Variants in SNTG2 observed in about 807,000 individuals in gnomAD.
SNTG2 encodes the protein syntrophin gamma 2.
A neutral mutation model predicts 70.9 loss-of-function variants in SNTG2; 74 were observed. The ratio of observed to expected loss-of-function variants is 1.04; its 90% CI spans 0.86 to 1.27. The LOEUF is 1.27. Among genes scored for constraint, SNTG2 ranks in the 50% most tolerant of loss-of-function variants. The probability of loss-of-function intolerance (pLI) is 0.00; values close to 1 mark genes in which losing one functional copy is unlikely to be tolerated. For synonymous variants in SNTG2, 278 were observed against 273.8 expected (o/e 1.02, Z -0.15); for missense variants, 717 against 690.7 (o/e 1.04, Z -0.43).
intron 13 of SNTG2, among the ~76,000 whole-genome samples, chr2:1,262,398 T>G (rs1287695807): frequency 6.6e-6 from 1 of 152,142 alleles, no homozygotes; most frequent in African/African-American, 2.4e-5. Flanking sequence ...GTGATCACAT[T>G]TTGAAGGGAC....
chr2:1,028,279 G>A (rs576021420), intron 1 of SNTG2, among the ~76,000 whole-genome samples: 3 of 149,854 alleles, frequency 2.0e-5, no homozygotes, highest in Non-Finnish European at 2.9e-5. Flanking sequence ...AGTAACTCAT[G>A]CATCTCTGTT....
chr2:1,104,980 C>A (rs1386487536), intron 4 of SNTG2, among the ~76,000 whole-genome samples: 2 of 152,206 alleles, frequency 1.3e-5, no homozygotes, highest in African/African-American at 4.8e-5. Flanking sequence ...GTGGTTCCAT[C>A]TCCGGGAAGG....
At chr2:1,302,421 A>T (rs1340584445) in intron 14 of SNTG2, among the ~76,000 whole-genome samples, 1 of 152,064 alleles carries the variant, frequency 6.6e-6, no homozygotes, top group Non-Finnish European at 1.5e-5. Context: ...AACTAAACTC[A>T]TGGAGGAAGG....
At chr2:1,227,823 G>T (rs1675894527) in intron 9 of SNTG2, among the ~76,000 whole-genome samples, 1 of 152,164 alleles carries the variant, frequency 6.6e-6, no homozygotes, top group Admixed American at 6.5e-5. Flanking sequence ...GCTCATACTG[G>T]TGCCGCTATT....
At chr2:1,263,882 G>T (rs1312929547) in intron 13 of SNTG2, among the ~76,000 whole-genome samples, 3 of 152,160 alleles carry the variant, frequency 2.0e-5, no homozygotes, top group Non-Finnish European at 4.4e-5. Flanking sequence ...GCAAAGAAAG[G>T]CCTCAAATTT....
At chr2:1,039,183 T>G (rs1661292380) in intron 1 of SNTG2, among the ~76,000 whole-genome samples, 1 of 152,258 alleles carries the variant, frequency 6.6e-6, no homozygotes, top group Admixed American at 6.5e-5. Flanking sequence ...CAACAGTAGT[T>G]GTCTGAGTGA....
chr2:962,233 C>T (rs745940337), intron 1 of SNTG2, among the ~76,000 whole-genome samples: 14 of 152,138 alleles, frequency 9.2e-5, no homozygotes, highest in East Asian at 3.9e-4. Context: ...GCCACTATCC[C>T]GGCTAACTTT....
At chr2:1,096,971 T>C (rs2148207992) in intron 2 of SNTG2, among the ~76,000 whole-genome samples, 1 of 152,310 alleles carries the variant, frequency 6.6e-6, no homozygotes, top group African/African-American at 2.4e-5. Context: ...AAACGATCAC[T>C]CTGTAGCAAA....
intron 8 of SNTG2, among the ~76,000 whole-genome samples, chr2:1,195,884 T>A (rs1305745989): frequency 1.3e-5 from 2 of 151,246 alleles, no homozygotes; most frequent in East Asian, 3.9e-4. Context: ...GTGATTATCT[T>A]TATTGATCAG....
At chr2:1,168,433 G>A (rs1670899526) in intron 7 of SNTG2, among the ~76,000 whole-genome samples, 1 of 152,198 alleles carries the variant, frequency 6.6e-6, no homozygotes, top group Admixed American at 6.5e-5. Flanking sequence ...CCCAAAGCCG[G>A]CCCATCTCTA....
chr2:1,095,081 GAAAAAAGAGAAA>G (rs1665301305), intron 2 of SNTG2, among the ~76,000 whole-genome samples: 1 of 151,860 alleles, frequency 6.6e-6, no homozygotes. Context: ...GAGCAAGAGA[GAAAAAAGAGAAA>G]AAAAAAGAGA....
At chr2:1,180,448 C>T (rs1450935361) in intron 8 of SNTG2, among the ~76,000 whole-genome samples, 3 of 131,382 alleles carry the variant, frequency 2.3e-5, no homozygotes, top group African/African-American at 8.2e-5. Flanking sequence ...ATTTATGCAG[C>T]CAAAAAACAC....
chr2:960,893 C>T (rs960562765), intron 1 of SNTG2, among the ~76,000 whole-genome samples: 3 of 152,196 alleles, frequency 2.0e-5, no homozygotes, highest in Non-Finnish European at 4.4e-5. Flanking sequence ...TGCTCATGGT[C>T]TTGGGACTCC....
In SNTG2 at chr2:1,367,386, A is replaced by T. The variant is rs748359076; in HGVS notation, c.1532A>T (p.His511Leu). Residue 511 changes from histidine (H) to leucine (L), a missense_variant, in exon 17 of 17, where the codon CAC becomes CTC. His to Leu is a moderately conservative substitution (Grantham distance 99). Coordinates refer to ENST00000308624, the MANE Select transcript of SNTG2 (RefSeq NM_018968.4). ...QDLRAVLHCI[H>L]SFIAAKVASV... Reference sequence around the variant, plus strand: ...CTGAGGGCTGTCCTGCACTGCATCCACTCCTTCATAGCAGCCAAGGTGGCC... The same window carrying T: ...CTGAGGGCTGTCCTGCACTGCATCCTCTCCTTCATAGCAGCCAAGGTGGCC... 6 of 1,551,268 alleles carry T rather than the reference A, an allele frequency of 3.9e-6. No individual in the cohort carries two copies. The highest frequency in any genetic ancestry group is 1.4e-5 in the African/African-American group (1 of 72,900).
At chr2:1,091,587 C>T (rs936921276) in intron 2 of SNTG2, among the ~76,000 whole-genome samples, 16 of 152,242 alleles carry the variant, frequency 1.1e-4, no homozygotes, top group Middle Eastern at 3.4e-3. Flanking sequence ...GCTACGGGGC[C>T]GCTCCCCCAT....
At chr2:1,219,183 C>T (rs1001871516) in intron 9 of SNTG2, among the ~76,000 whole-genome samples, 6 of 152,136 alleles carry the variant, frequency 3.9e-5, no homozygotes, top group Non-Finnish European at 8.8e-5. Flanking sequence ...TTCCTTCCAA[C>T]TCCTGCTATG....
intron 16 of SNTG2, among the ~76,000 whole-genome samples, chr2:1,317,115 T>C (rs1681321085): frequency 1.2e-5 from 1 of 86,794 alleles, no homozygotes; most frequent in African/African-American, 4.3e-5. Context: ...TTGGAGAAGG[T>C]TGGGATTCTG....
intron 1 of SNTG2, among the ~76,000 whole-genome samples, chr2:962,858 A>G (rs1365685891): frequency 2.0e-5 from 3 of 152,224 alleles, no homozygotes; most frequent in African/African-American, 7.2e-5. Flanking sequence ...TCATTAAAAC[A>G]GAAGATAAGT....
At position 1,115,563 on chromosome 2, in the gene SNTG2, G is replaced by T. The variant is rs1457908670; in HGVS notation, c.325+17153G>T. ...TTTAATCCTTACAGTCCTTTGAGAA[G>T]AATCTTGTGTACTAAGTGAGGTTTG... is the stretch of plus-strand genomic sequence containing the variant. On this transcript the variant is annotated intron_variant, in intron 4 of 16. Transcript: ENST00000308624. Among the ~76,000 whole-genome samples, 8 of 151,802 alleles carry T rather than the reference G, an allele frequency of 5.3e-5. No homozygotes were observed. In the East Asian group the frequency reaches 1.6e-3, roughly 30 times the overall value.
Sources: allele counts gnomAD v4.1 joint callset (sites outside exome capture counted in the v4.1 genomes callset), GRCh38; gene constraint gnomAD v4.1.1; transcripts MANE v1.5; gene names NCBI Gene and HGNC (gene_info 2026-07-23, HGNC 2026-07-21).